Variants in GRIK4 observed in about 807,000 individuals in gnomAD.
GRIK4 encodes the protein glutamate ionotropic receptor kainate type subunit 4, also known as glutamate receptor ionotropic, kainate 4.
Under a neutral mutation model 104.9 loss-of-function variants are expected in GRIK4, and 40 were observed. The observed-to-expected ratio is 0.38, with a 90% CI of 0.30 to 0.50. GRIK4 has a LOEUF of 0.50. GRIK4 is among the 20% of genes least tolerant of loss of function. The pLI, the probability that GRIK4 is intolerant of heterozygous loss-of-function variation, is 0.93. For missense variants in GRIK4, 1,047 were observed against 1,308.1 expected (o/e 0.80, Z 3.08); for synonymous variants, 485 against 524.9 (o/e 0.92, Z 1.04).
chr11:120,853,825 A>G (rs1183092094), intron 8 of GRIK4, among the ~76,000 whole-genome samples: 1 of 152,244 alleles, frequency 6.6e-6, no homozygotes, highest in Admixed American at 6.5e-5. Context: ...TGAAGTTGTC[A>G]ATCATTAACA....
intron 8 of GRIK4, among the ~76,000 whole-genome samples, chr11:120,846,334 C>T (rs76493206): frequency 1.7e-3 from 256 of 152,280 alleles, no homozygotes; most frequent in Non-Finnish European, 2.7e-3. Flanking sequence ...GTGGGAGAAA[C>T]AAGGACTAGG....
intron 3 of GRIK4, among the ~76,000 whole-genome samples, chr11:120,702,485 A>G (rs575419423): frequency 8.5e-5 from 13 of 152,332 alleles, no homozygotes; most frequent in Admixed American, 2.0e-4. Context: ...TAATCAATAT[A>G]CAGATTGTAC....
chr11:120,730,420 C>A (rs771532201), intron 3 of GRIK4, among the ~76,000 whole-genome samples: 19 of 152,062 alleles, frequency 1.2e-4, no homozygotes, highest in Non-Finnish European at 2.2e-4. Flanking sequence ...GTTGTCAATT[C>A]TGTTTCATTG....
intron 9 of GRIK4, among the ~76,000 whole-genome samples, chr11:120,867,776 C>T (rs1487382851): frequency 5.3e-5 from 8 of 151,858 alleles, no homozygotes; most frequent in Admixed American, 5.2e-4. Context: ...CTACCTGAGA[C>T]AATGCAAGCA....
intron 13 of GRIK4, among the ~76,000 whole-genome samples, chr11:120,933,824 T>G (rs7113018): frequency 0.29 from 43,554 of 151,998 alleles, 6,413 homozygotes; most frequent in East Asian, 0.38. Context: ...GCACTGGCAG[T>G]TCTCCTGACC....
At chr11:120,626,084 T>C (rs1020810378) in intron 1 of GRIK4, among the ~76,000 whole-genome samples, 1 of 152,210 alleles carries the variant, frequency 6.6e-6, no homozygotes, top group Non-Finnish European at 1.5e-5. Flanking sequence ...TTATTTCAGA[T>C]TCAAAGTGTC....
intron 3 of GRIK4, among the ~76,000 whole-genome samples, chr11:120,728,527 AATATAG>A (rs1485626228): frequency 6.6e-6 from 1 of 152,192 alleles, no homozygotes; most frequent in Non-Finnish European, 1.5e-5. Context: ...ATGATCTGAC[AATATAG>A]ATATAATATT....
chr11:120,750,507 C>A (rs1315037303), intron 3 of GRIK4, among the ~76,000 whole-genome samples: 1 of 151,886 alleles, frequency 6.6e-6, no homozygotes, highest in African/African-American at 2.4e-5. Context: ...GCTGGAATTA[C>A]AGGCATGTGC....
intron 3 of GRIK4, among the ~76,000 whole-genome samples, chr11:120,732,866 T>C (rs1043703407): frequency 1.3e-5 from 2 of 151,348 alleles, no homozygotes; most frequent in African/African-American, 4.9e-5. Context: ...TATTCTACAG[T>C]GCATATTAAG....
In GRIK4 at chr11:120,622,322, G is replaced by A. The variant is rs138853844; in HGVS notation, c.-158-31363G>A. Among the ~76,000 whole-genome samples the A allele has an allele frequency of 1.5e-3, 225 of 152,246 alleles. 1 individual carries two copies. The highest frequency in any genetic ancestry group is 2.4e-3 in the Non-Finnish European group (162 of 68,014). ...TTACTACCCCCATTTTTCAGACACA[G>A]ACAGGAGGCTTAGAGAGGGTAAGTG... On this transcript the variant is annotated intron_variant, in intron 1 of 20. Transcript: ENST00000527524.
At chr11:120,601,563 G>A (rs1948887237) in intron 1 of GRIK4, among the ~76,000 whole-genome samples, 1 of 151,980 alleles carries the variant, frequency 6.6e-6, no homozygotes, top group Non-Finnish European at 1.5e-5. Flanking sequence ...GCAAAATTGA[G>A]GAGGGGAGGC....
intron 5 of GRIK4, among the ~76,000 whole-genome samples, chr11:120,818,597 C>T (rs1410765859): frequency 1.3e-5 from 2 of 152,224 alleles, no homozygotes; most frequent in Non-Finnish European, 2.9e-5. Context: ...TTATCCTCTT[C>T]CCACCTCAGT....
At chr11:120,826,756 C>T (rs927081628) in intron 6 of GRIK4, among the ~76,000 whole-genome samples, 1 of 152,214 alleles carries the variant, frequency 6.6e-6, no homozygotes, top group African/African-American at 2.4e-5. Context: ...GCTGGTCTTC[C>T]CTGCCTGTTC....
intron 3 of GRIK4, among the ~76,000 whole-genome samples, chr11:120,696,409 C>G (rs1416472639): frequency 1.3e-5 from 2 of 150,350 alleles, no homozygotes; most frequent in African/African-American, 2.5e-5. Context: ...TCAGCCTTTC[C>G]GGGAGAGCTT....
At chr11:120,883,620 A>C (rs1955030461) in intron 11 of GRIK4, among the ~76,000 whole-genome samples, 1 of 152,176 alleles carries the variant, frequency 6.6e-6, no homozygotes, top group Admixed American at 6.5e-5. Context: ...TCTTTCTCCC[A>C]AAGCACAGGG....
intron 3 of GRIK4, among the ~76,000 whole-genome samples, chr11:120,671,069 A>G (rs970128895): frequency 2.6e-5 from 4 of 152,180 alleles, no homozygotes; most frequent in Non-Finnish European, 5.9e-5. Context: ...TCCATGGTAT[A>G]TATGTGCCAC....
chr11:120,916,048 G>T (rs1364593769), intron 13 of GRIK4, among the ~76,000 whole-genome samples: 2 of 152,198 alleles, frequency 1.3e-5, no homozygotes, highest in African/African-American at 2.4e-5. Flanking sequence ...CCTCCTAGAA[G>T]AATGAGGAGG....
intron 18 of GRIK4, among the ~76,000 whole-genome samples, chr11:120,964,958 AGGATAGGTG>A (rs770259954): frequency 2.6e-5 from 4 of 152,228 alleles, no homozygotes; most frequent in Non-Finnish European, 5.9e-5. Flanking sequence ...TAGAAAGGAC[AGGATAGGTG>A]GGAAGGTCTA....
At chr11:120,919,592 A>G (rs1039065037) in intron 13 of GRIK4, among the ~76,000 whole-genome samples, 2 of 152,196 alleles carry the variant, frequency 1.3e-5, no homozygotes, top group Non-Finnish European at 2.9e-5. Flanking sequence ...ATTCGAGCTT[A>G]GGTTTGAGAA....
Sources: allele counts gnomAD v4.1 joint callset (sites outside exome capture counted in the v4.1 genomes callset), GRCh38; gene constraint gnomAD v4.1.1; transcripts MANE v1.5; gene names NCBI Gene and HGNC (gene_info 2026-07-23, HGNC 2026-07-21).